The following MICU2 variants were observed in gnomAD, a reference collection of about 807,000 sequenced individuals.
MICU2 encodes the protein calcium uptake protein 2, mitochondrial.
Under a neutral mutation model 60.4 loss-of-function variants are expected in MICU2, and 64 were observed. That is an observed-to-expected ratio of 1.06 (90% confidence interval 0.87 to 1.31). The LOEUF (loss-of-function observed/expected upper bound fraction) is 1.31. Ranked by LOEUF, MICU2 falls within the 50% of genes most tolerant of loss-of-function variation. The pLI is 0.00. For missense variants in MICU2, 569 were observed against 531.0 expected (o/e 1.07, Z -0.70); for synonymous variants, 201 against 175.0 (o/e 1.15, Z -1.17).
At chr13:21,586,278 T>C (rs1236097188) in intron 1 of MICU2, among the ~76,000 whole-genome samples, 2 of 152,222 alleles carry the variant, frequency 1.3e-5, no homozygotes, top group Non-Finnish European at 2.9e-5. Flanking sequence ...TTAAGCCTTT[T>C]TTAATAGAAG....
intron 4 of MICU2, 21 bp from the exon 5 acceptor site, chr13:21,522,671 C>A: frequency 6.4e-7 from 1 of 1,563,292 alleles, no homozygotes; most frequent in Admixed American, 1.8e-5. Flanking sequence ...TAAAAACATA[C>A]CAGAAAATAA....
intron 4 of MICU2, chr13:21,531,166 G>A (rs184128812): frequency 1.2e-5 from 11 of 927,004 alleles, no homozygotes; most frequent in Non-Finnish European, 7.2e-6. Flanking sequence ...GAAAACCACT[G>A]TGACAAAAAG....
At chr13:21,515,145 G>A (rs1348111305) in intron 6 of MICU2, among the ~76,000 whole-genome samples, 2 of 150,576 alleles carry the variant, frequency 1.3e-5, no homozygotes, top group African/African-American at 4.9e-5. Context: ...GCAGTGGCAC[G>A]ATCCCGGCTG....
At position 21,496,051 on chromosome 13, in the gene MICU2, C is replaced by T. The variant is rs773277480; in HGVS notation, c.1042+1G>A. 6.2e-7 allele frequency: 1 copy of T among 1,605,220 alleles called. No homozygotes were observed. The highest frequency in any genetic ancestry group is 1.7e-5 in the Admixed American group (1 of 59,142). On this transcript the variant is annotated splice_donor_variant, in intron 10 of 11. Coordinates refer to ENST00000382374, the MANE Select transcript of MICU2 (RefSeq NM_152726.3). LOFTEE classifies it high-confidence loss of function. Reference sequence around the variant, plus strand: ...ATTAAATGGTTTTTCATATAACTTACCTAGTCTGACAGGACGATGAGCTAA... The same window carrying T: ...ATTAAATGGTTTTTCATATAACTTATCTAGTCTGACAGGACGATGAGCTAA...
intron 9 of MICU2, among the ~76,000 whole-genome samples, chr13:21,499,380 T>G (rs763227901): frequency 1.3e-5 from 2 of 152,138 alleles, no homozygotes. Context: ...TTAGGTAACT[T>G]ACTGTGCGAG....
intron 4 of MICU2, among the ~76,000 whole-genome samples, chr13:21,533,712 C>A (rs1396295071): frequency 6.6e-6 from 1 of 151,958 alleles, no homozygotes; most frequent in African/African-American, 2.4e-5. Flanking sequence ...CATTTTGTGA[C>A]TAATACACTT....
At chr13:21,509,493 G>A (rs1886373278) in intron 8 of MICU2, among the ~76,000 whole-genome samples, 1 of 152,186 alleles carries the variant, frequency 6.6e-6, no homozygotes, top group African/African-American at 2.4e-5. Context: ...GCTAGAGAAT[G>A]AGAGACTACA....
chr13:21,521,900 G>A (rs1163278842), intron 5 of MICU2, among the ~76,000 whole-genome samples: 1 of 151,998 alleles, frequency 6.6e-6, no homozygotes, highest in Non-Finnish European at 1.5e-5. Context: ...CCTCAGCCTC[G>A]ACAAGTAGTT....
At chr13:21,522,456 A>G (rs1253506448) in intron 5 of MICU2, 147 bp downstream of exon 5, 3 of 605,432 alleles carry the variant, frequency 5.0e-6, no homozygotes, top group Non-Finnish European at 8.4e-6. Context: ...AGATAACCTA[A>G]TCCAACATTA....
intron 2 of MICU2, among the ~76,000 whole-genome samples, chr13:21,564,720 A>AATGCAGGCATTTGT (rs1887933916): frequency 6.6e-6 from 1 of 152,192 alleles, no homozygotes; most frequent in Non-Finnish European, 1.5e-5. Flanking sequence ...GTTAAGGAGA[A>AATGCAGGCATTTGT]TGAAATGCTC....
intron 9 of MICU2, among the ~76,000 whole-genome samples, chr13:21,499,455 G>A (rs913739334): frequency 2.6e-5 from 4 of 151,368 alleles, no homozygotes; most frequent in Non-Finnish European, 2.9e-5. Flanking sequence ...TGTCACCCAG[G>A]CTGGAGTGCA....
chr13:21,598,040 T>C (rs1888733810), intron 1 of MICU2, among the ~76,000 whole-genome samples: 1 of 147,078 alleles, frequency 6.8e-6, no homozygotes, highest in African/African-American at 2.5e-5. Context: ...CAAATGTAAA[T>C]AAACATATCA....
At position 21,539,386 on chromosome 13, in the gene MICU2, A is replaced by G; in HGVS notation, c.391-9T>C. ...AGTGTATCCTCGATGTCCTTTGAAT[A>G]CACATATTAAAATTAAACTTCTAAA... On this transcript the variant is annotated splice_polypyrimidine_tract_variant and intron_variant, in intron 3 of 11. Transcript: ENST00000382374. 1 of 1,608,554 alleles carries G rather than the reference A, an allele frequency of 6.2e-7. No homozygotes were observed. The highest frequency in any genetic ancestry group is 8.5e-7 in the Non-Finnish European group (1 of 1,177,900).
rs1447094479 is a variant in MICU2, at chr13:21,566,840, T to C, written c.315A>G (p.Thr105=). The C allele has an allele frequency of 6.2e-6, 10 of 1,610,822 alleles. No homozygotes were observed. The highest frequency in any genetic ancestry group is 8.5e-6 in the Non-Finnish European group (10 of 1,178,756). The change falls in exon 2 of 12, where the codon ACA becomes ACG. Residue 105 remains threonine, a synonymous_variant. Coordinates refer to ENST00000382374, the MANE Select transcript of MICU2 (RefSeq NM_152726.3). The part of the protein sequence containing the change: ...SLEHEGEYYM[T]PRDFLFSVMF... ...TCACTGAGAAGAGGAAGTCTCGTGGTGTCATATAATATTCTCCTTCATGTT... is the reference window on the plus strand; with the variant it reads ...TCACTGAGAAGAGGAAGTCTCGTGGCGTCATATAATATTCTCCTTCATGTT...
chr13:21,503,639 T>C (rs1886231305), intron 8 of MICU2, among the ~76,000 whole-genome samples: 2 of 152,324 alleles, frequency 1.3e-5, no homozygotes, highest in East Asian at 3.9e-4. Flanking sequence ...TCGATATGAC[T>C]CAACATTCCT....
At chr13:21,505,830 C>G (rs1291053931) in intron 8 of MICU2, among the ~76,000 whole-genome samples, 5 of 152,214 alleles carry the variant, frequency 3.3e-5, no homozygotes, top group African/African-American at 1.2e-4. Flanking sequence ...GATCCTGTAT[C>G]AAGTCCCTCA....
chr13:21,507,760 C>T (rs144498540), intron 8 of MICU2, among the ~76,000 whole-genome samples: 1,661 of 151,646 alleles, frequency 0.011, 27 homozygotes, highest in African/African-American at 0.038. Flanking sequence ...CCTGCCACCT[C>T]GCCCGGCTAA....
At position 21,510,086 on chromosome 13, in the gene MICU2, C is replaced by A. The variant is rs543958800; in HGVS notation, c.679G>T (p.Glu227Ter). Residue 227 changes from glutamate (E) to a stop codon, truncating the protein, a stop_gained, in exon 8 of 12, where the codon GAA (glutamate) becomes TAA (stop). Coordinates refer to ENST00000382374, the MANE Select transcript of MICU2 (RefSeq NM_152726.3). LOFTEE classifies it high-confidence loss of function. The stretch of plus-strand genomic sequence containing the variant: ...TGAAGAGTTGTGTTAATTTCAGGTT[C>A]TTTCACTATTGCTTCCTATTAAAAA... ...ETGYQEAIVK[E>*]PEINTTLQMR... 2.0e-6 allele frequency: 3 copies of A among 1,494,392 alleles called. No homozygotes were observed. The Admixed American group carries it at 6.9e-5, about 34-fold the overall frequency. The allele number at this position is 1,494,392 out of a possible 1,614,324, so 92.6% of individuals were successfully genotyped here. A position where few individuals can be genotyped will look rare whatever the true frequency, so the allele number is the denominator to read the frequency against.
intron 1 of MICU2, among the ~76,000 whole-genome samples, chr13:21,574,778 T>C (rs1286136110): frequency 1.3e-5 from 2 of 152,224 alleles, no homozygotes; most frequent in Non-Finnish European, 2.9e-5. Context: ...TGCTCTGTTG[T>C]CTTTGAACTT....
Sources: gnomAD v4.1 joint callset for allele counts (sites outside exome capture counted in the v4.1 genomes callset) on GRCh38, gnomAD v4.1.1 for gene constraint, MANE v1.5 for transcripts, NCBI Gene and HGNC (gene_info 2026-07-23, HGNC 2026-07-21) for gene names.